Variants in MEGF11 observed in about 807,000 individuals in gnomAD.
MEGF11 encodes the protein multiple epidermal growth factor-like domains protein 11.
A neutral mutation model predicts 146.6 loss-of-function variants in MEGF11; 126 were observed. The ratio of observed to expected loss-of-function variants is 0.86; its 90% CI spans 0.74 to 1.00. MEGF11 has a LOEUF of 1.00. Ranked by LOEUF, MEGF11 falls within the 50% of genes least tolerant of loss-of-function variation. MEGF11 has a pLI of 0.00. For synonymous variants in MEGF11, 532 were observed against 583.4 expected (o/e 0.91, Z 1.27); for missense variants, 1,509 against 1,521.2 (o/e 0.99, Z 0.13).
chr15:66,084,965 G>A (rs528615340), intron 5 of MEGF11, among the ~76,000 whole-genome samples: 23 of 152,270 alleles, frequency 1.5e-4, no homozygotes, highest in African/African-American at 5.5e-4. Flanking sequence ...CGAAGGTGGC[G>A]GGGGAAGGGG....
chr15:66,237,471 G>A lies in MEGF11; in HGVS notation c.-9+16134C>T, dbSNP rs752640142. On this transcript the variant is annotated intron_variant, in intron 1 of 25. Coordinates refer to ENST00000395614, the MANE Select transcript of MEGF11 (RefSeq NM_001385028.1). Reference sequence around the variant, plus strand: ...TCTAATTCTCAAATACTCCTGCAGAGTAGTGACAATGGCTGCCGTTTTAAG... The same window carrying A: ...TCTAATTCTCAAATACTCCTGCAGAATAGTGACAATGGCTGCCGTTTTAAG... Among the ~76,000 whole-genome samples, 3 of 152,198 alleles carry A rather than the reference G, an allele frequency of 2.0e-5. No homozygotes were observed. In the South Asian group the frequency reaches 6.2e-4, roughly 32 times the overall value.
intron 1 of MEGF11, among the ~76,000 whole-genome samples, chr15:66,144,229 A>T (rs2089280493): frequency 6.6e-6 from 1 of 152,124 alleles, no homozygotes; most frequent in South Asian, 2.1e-4. Flanking sequence ...GGGGTCAACT[A>T]GGTGTGGGTG....
At chr15:66,147,965 G>T (rs1360594966) in intron 1 of MEGF11, among the ~76,000 whole-genome samples, 2 of 152,204 alleles carry the variant, frequency 1.3e-5, no homozygotes, top group African/African-American at 4.8e-5. Flanking sequence ...TTGGAGCCAT[G>T]CATGGGAGCC....
rs994483080 is a variant in MEGF11, at chr15:65,897,766, G to A, written c.*168C>T. 3.3e-6 allele frequency: 2 copies of A among 598,704 alleles called. No individual in the cohort carries two copies. Among genetic ancestry groups the A allele is most frequent in the Non-Finnish European group, 5.4e-6 (2 of 370,598 alleles). 37.1% of individuals were successfully genotyped at this position (598,704 alleles called of 1,614,324 possible). A position where few individuals can be genotyped will look rare whatever the true frequency, so the allele number is the denominator to read the frequency against. ...TTTGCCTTTGAGAACACAATTCCTT[G>A]AACAATTATCCCAGTCCCACCTGGA... On this transcript the variant is annotated 3_prime_UTR_variant, in exon 26 of 26. Coordinates refer to ENST00000395614, the MANE Select transcript of MEGF11 (RefSeq NM_001385028.1).
intron 5 of MEGF11, among the ~76,000 whole-genome samples, chr15:66,079,158 C>T (rs1005476177): frequency 2.6e-5 from 4 of 152,126 alleles, no homozygotes; most frequent in African/African-American, 9.7e-5. Context: ...GAGCAGTGGC[C>T]CCACACCGCC....
At position 66,036,524 on chromosome 15, in the gene MEGF11, A is replaced by G. The variant is rs145071127; in HGVS notation, c.395-54036T>C. Among the ~76,000 whole-genome samples the G allele has an allele frequency of 1.1e-3, 175 of 152,308 alleles. 1 individual carries two copies. The highest frequency in any genetic ancestry group is 3.6e-3 in the African/African-American group (150 of 41,568). On this transcript the variant is annotated intron_variant, in intron 5 of 25. Coordinates refer to ENST00000395614, the MANE Select transcript of MEGF11 (RefSeq NM_001385028.1). ...TTTGTGTTGCCTCCAATGTTTTGCT[A>G]TCACACACAGTGCTGCACTGAGCAT...
At chr15:66,200,787 C>T (rs577277835) in intron 1 of MEGF11, among the ~76,000 whole-genome samples, 4 of 152,184 alleles carry the variant, frequency 2.6e-5, no homozygotes, top group East Asian at 3.9e-4. Context: ...AGAAGTGGGC[C>T]GGGTATGAGC....
chr15:66,009,389 T>C (rs2082631451), intron 5 of MEGF11, among the ~76,000 whole-genome samples: 1 of 151,922 alleles, frequency 6.6e-6, no homozygotes, highest in South Asian at 2.1e-4. Context: ...AGAGGAAGTG[T>C]CCTTGGGGAT....
intron 5 of MEGF11, among the ~76,000 whole-genome samples, chr15:66,066,949 G>C (rs139479219): frequency 6.6e-6 from 1 of 152,220 alleles, no homozygotes; most frequent in Non-Finnish European, 1.5e-5. Context: ...TCCTCCGTGT[G>C]AGGGTGGAGC....
chr15:66,127,870 G>T (rs927930653), intron 2 of MEGF11, among the ~76,000 whole-genome samples: 1 of 152,142 alleles, frequency 6.6e-6, no homozygotes, highest in African/African-American at 2.4e-5. Context: ...AGGGCAGGCT[G>T]CTGGGGCCAC....
chr15:66,114,041 TAAC>T (rs1597096935), intron 4 of MEGF11, among the ~76,000 whole-genome samples: 1 of 152,190 alleles, frequency 6.6e-6, no homozygotes, highest in African/African-American at 2.4e-5. Flanking sequence ...GTCTGTGGTA[TAAC>T]AAGTCCCCCA....
At chr15:66,070,903 T>C (rs1298119186) in intron 5 of MEGF11, among the ~76,000 whole-genome samples, 1 of 151,426 alleles carries the variant, frequency 6.6e-6, no homozygotes, top group Non-Finnish European at 1.5e-5. Flanking sequence ...GAAACCAAAG[T>C]TTATAGGAAC....
At chr15:66,022,031 G>A (rs947855548) in intron 5 of MEGF11, among the ~76,000 whole-genome samples, 1 of 152,188 alleles carries the variant, frequency 6.6e-6, no homozygotes, top group Non-Finnish European at 1.5e-5. Context: ...TGGGGGTGAT[G>A]AGGAGGCTCT....
intron 5 of MEGF11, among the ~76,000 whole-genome samples, chr15:66,082,977 A>C (rs1351777253): frequency 6.6e-6 from 1 of 152,148 alleles, no homozygotes; most frequent in Non-Finnish European, 1.5e-5. Flanking sequence ...GCAGGGACCC[A>C]GGCCCCCATC....
intron 10 of MEGF11, among the ~76,000 whole-genome samples, chr15:65,944,752 G>T (rs1171006309): frequency 6.6e-6 from 1 of 152,150 alleles, no homozygotes; most frequent in Non-Finnish European, 1.5e-5. Context: ...ATTATAGGCT[G>T]AATGCAAAGA....
intron 1 of MEGF11, among the ~76,000 whole-genome samples, chr15:66,217,778 C>G (rs943777223): frequency 3.3e-5 from 5 of 152,236 alleles, no homozygotes; most frequent in Non-Finnish European, 7.3e-5. Context: ...CAGTCCCTGG[C>G]AGAGCTGCTT....
intron 5 of MEGF11, among the ~76,000 whole-genome samples, chr15:66,051,227 G>C (rs2084433224): frequency 6.6e-6 from 1 of 152,142 alleles, no homozygotes; most frequent in Admixed American, 6.5e-5. Context: ...GGCCTCAGCT[G>C]GGGGAGCAGA....
intron 5 of MEGF11, among the ~76,000 whole-genome samples, chr15:66,076,622 C>G (rs911843519): frequency 3.3e-5 from 5 of 152,114 alleles, no homozygotes; most frequent in Admixed American, 2.6e-4. Context: ...GAGGGCATGG[C>G]TGCTCCTGAG....
intron 4 of MEGF11, among the ~76,000 whole-genome samples, chr15:66,118,862 A>C (rs1026283398): frequency 1.3e-5 from 2 of 151,850 alleles, no homozygotes; most frequent in African/African-American, 4.8e-5. Context: ...ACTTCCATCC[A>C]CCCTGTAAGG....
Sources: gnomAD v4.1 joint callset for allele counts (sites outside exome capture counted in the v4.1 genomes callset) on GRCh38, gnomAD v4.1.1 for gene constraint, MANE v1.5 for transcripts, NCBI Gene and HGNC (gene_info 2026-07-23, HGNC 2026-07-21) for gene names.